PDE11A: variants seen among roughly 807,000 people sequenced by gnomAD.
The protein encoded by PDE11A is dual 3',5'-cyclic-AMP and -GMP phosphodiesterase 11A.
Under a neutral mutation model 100.5 loss-of-function variants are expected in PDE11A, and 100 were observed. The observed-to-expected ratio is 1.00, with a 90% CI of 0.85 to 1.18. PDE11A has a LOEUF of 1.18. PDE11A is among the 50% of genes most tolerant of loss of function. The pLI, the probability that PDE11A is intolerant of heterozygous loss-of-function variation, is 0.00. For synonymous variants in PDE11A, 381 were observed against 420.8 expected (o/e 0.91, Z 1.16); for missense variants, 1,141 against 1,152.6 (o/e 0.99, Z 0.15).
chr2:178,012,363 A>G (rs2086282752), intron 2 of PDE11A, among the ~76,000 whole-genome samples: 1 of 152,236 alleles, frequency 6.6e-6, no homozygotes, highest in Admixed American at 6.5e-5. Flanking sequence ...TAGGGAAAAT[A>G]TTAATTATTT....
rs79380470 is a variant in PDE11A at position 177,753,956 on chromosome 2, C to T, written c.1788+15367G>A. ...CTTCTGTGTCCAAATATCTGCCCCG[C>T]CCCCCATGTCTAATCTTGATCTTCA... is the stretch of plus-strand genomic sequence containing the variant. On this transcript the variant is annotated intron_variant, in intron 10 of 19. Transcript: ENST00000286063. 9.1e-3 allele frequency among the ~76,000 whole-genome samples: 1,381 copies of T among 151,942 alleles called. 23 individuals carry two copies. Among genetic ancestry groups the T allele is most frequent in the African/African-American group, 0.032 (1,316 of 41,294 alleles).
chr2:177,752,413 G>A (rs552372192), intron 10 of PDE11A, among the ~76,000 whole-genome samples: 16 of 152,226 alleles, frequency 1.1e-4, no homozygotes, highest in South Asian at 2.1e-4. Context: ...GTGACCTTCC[G>A]TGACTTATTT....
At chr2:177,954,276 C>T (rs1342520067) in intron 2 of PDE11A, among the ~76,000 whole-genome samples, 1 of 152,026 alleles carries the variant, frequency 6.6e-6, no homozygotes, top group East Asian at 1.9e-4. Flanking sequence ...GGAAATGTTA[C>T]TTACAATTAA....
At chr2:177,820,355 AT>A in intron 6 of PDE11A, 60 bp from the exon 7 acceptor site, 6 of 953,950 alleles carry the variant, frequency 6.3e-6, no homozygotes, top group South Asian at 1.4e-5. Flanking sequence ...TTTGATTTAC[AT>A]TTTTTCCATT....
At chr2:177,993,992 A>G (rs2086037689) in intron 2 of PDE11A, among the ~76,000 whole-genome samples, 1 of 149,126 alleles carries the variant, frequency 6.7e-6, no homozygotes, top group African/African-American at 2.5e-5. Flanking sequence ...CTGAAGTGCA[A>G]TGGAGCAATC....
chr2:177,695,851 C>T (rs1390324212), intron 15 of PDE11A, among the ~76,000 whole-genome samples: 1 of 152,132 alleles, frequency 6.6e-6, no homozygotes, highest in Non-Finnish European at 1.5e-5. Flanking sequence ...TGATGCAATG[C>T]CACAGTGCTT....
intron 9 of PDE11A, among the ~76,000 whole-genome samples, chr2:177,795,307 C>T (rs895248495): frequency 1.2e-4 from 18 of 152,072 alleles, no homozygotes; most frequent in African/African-American, 4.1e-4. Context: ...CACCTGGTGA[C>T]ATCTGATGAC....
intron 19 of PDE11A, among the ~76,000 whole-genome samples, chr2:177,649,089 C>T (rs1250311908): frequency 2.6e-5 from 4 of 151,912 alleles, no homozygotes; most frequent in East Asian, 1.9e-4. Context: ...TTATAGCTAT[C>T]GTATTAGCAA....
At chr2:177,664,966 G>C (rs1265530336) in intron 18 of PDE11A, among the ~76,000 whole-genome samples, 1 of 152,172 alleles carries the variant, frequency 6.6e-6, no homozygotes, top group African/African-American at 2.4e-5. Flanking sequence ...ACAAGAGTGG[G>C]AGTGGGTGGG....
At chr2:177,864,349 G>A (rs2083994693) in intron 5 of PDE11A, among the ~76,000 whole-genome samples, 2 of 152,142 alleles carry the variant, frequency 1.3e-5, no homozygotes, top group Non-Finnish European at 2.9e-5. Flanking sequence ...CAATTTAGCT[G>A]CTCTTGCAAC....
In PDE11A at chr2:178,071,631, G is replaced by A; in HGVS notation, c.807C>T (p.Cys269=). ...CCTCATTTGAGTTCTCTGTGCTGCTGCAAGGCAGCAGAGGTGTTCCTGCAT... is the reference window on the plus strand; with the variant it reads ...CCTCATTTGAGTTCTCTGTGCTGCTACAAGGCAGCAGAGGTGTTCCTGCAT... ...DVHAGTPLLP[C]SSTENSNEVQ... is the part of the protein sequence containing the mutation. The change falls in exon 1 of 20, where the codon TGC becomes TGT. Residue 269 remains cysteine, a synonymous_variant. Coordinates refer to ENST00000286063, the MANE Select transcript of PDE11A (RefSeq NM_016953.4). 1 of 1,612,444 alleles carries A rather than the reference G, an allele frequency of 6.2e-7. No individual in the cohort carries two copies.
chr2:177,724,564 G>T (rs191473969), intron 12 of PDE11A, among the ~76,000 whole-genome samples: 1 of 152,016 alleles, frequency 6.6e-6, no homozygotes, highest in African/African-American at 2.4e-5. Context: ...GAGACAATAG[G>T]CTTGGAAAAA....
At chr2:178,087,376 C>T (rs1049500255) in intron 2 of PDE11A, among the ~76,000 whole-genome samples, 18 of 151,428 alleles carry the variant, frequency 1.2e-4, no homozygotes, top group African/African-American at 3.9e-4. Context: ...AAGAAAATGT[C>T]GTATATATAC....
At chr2:177,937,861 G>C (rs1196844309) in intron 2 of PDE11A, among the ~76,000 whole-genome samples, 1 of 152,036 alleles carries the variant, frequency 6.6e-6, no homozygotes, top group African/African-American at 2.4e-5. Flanking sequence ...AGAGAAAAAG[G>C]CTATAGATTT....
chr2:177,663,624 G>A (rs573991267), intron 19 of PDE11A, among the ~76,000 whole-genome samples: 3 of 152,126 alleles, frequency 2.0e-5, no homozygotes, highest in Admixed American at 6.5e-5. Context: ...GTTTACAGAT[G>A]AGGGAGTAGA....
chr2:177,760,463 T>G (rs1241707154), intron 10 of PDE11A, among the ~76,000 whole-genome samples: 1 of 152,214 alleles, frequency 6.6e-6, no homozygotes, highest in East Asian at 1.9e-4. Flanking sequence ...CTGAGCTATC[T>G]TGAACAGAGC....
chr2:178,097,692 G>A (rs781499339), intron 2 of PDE11A, among the ~76,000 whole-genome samples: 2 of 152,160 alleles, frequency 1.3e-5, no homozygotes, highest in Admixed American at 6.5e-5. Context: ...AATGGACAAT[G>A]CTGCTGCTAG....
At chr2:177,993,194 C>T (rs2086024779) in intron 2 of PDE11A, among the ~76,000 whole-genome samples, 1 of 152,200 alleles carries the variant, frequency 6.6e-6, no homozygotes, top group Admixed American at 6.5e-5. Flanking sequence ...AGCCAAACAT[C>T]TGCGTGGTAG....
At chr2:177,635,923 G>T (rs981416040) in intron 19 of PDE11A, among the ~76,000 whole-genome samples, 2 of 151,110 alleles carry the variant, frequency 1.3e-5, no homozygotes, top group African/African-American at 4.9e-5. Context: ...GTTCCTTTTT[G>T]ATGGAACCCA....
Sources: gnomAD v4.1 joint callset for allele counts (sites outside exome capture counted in the v4.1 genomes callset) on GRCh38, gnomAD v4.1.1 for gene constraint, MANE v1.5 for transcripts, NCBI Gene and HGNC (gene_info 2026-07-23, HGNC 2026-07-21) for gene names.